The following VAV2 variants were observed in gnomAD, a reference collection of about 807,000 sequenced individuals.
The protein encoded by VAV2 is guanine nucleotide exchange factor VAV2.
A neutral mutation model predicts 132.5 loss-of-function variants in VAV2; 67 were observed. The ratio of observed to expected loss-of-function variants is 0.51; its 90% confidence interval spans 0.42 to 0.62. The LOEUF is 0.62. VAV2 is among the 20% of genes least tolerant of loss of function. The pLI, the probability that VAV2 is intolerant of heterozygous loss-of-function variation, is 0.00. For synonymous variants in VAV2, 492 were observed against 443.5 expected (o/e 1.11, Z -1.37); for missense variants, 938 against 1,153.6 (o/e 0.81, Z 2.71).
chr9:133,943,396 A>G (rs577252808), intron 1 of VAV2, among the ~76,000 whole-genome samples: 1 of 152,246 alleles, frequency 6.6e-6, no homozygotes, highest in South Asian at 2.1e-4. Flanking sequence ...GCCAGGTGAA[A>G]AGTCCCCTGT....
rs1023873249 is a variant in VAV2, at chr9:133,768,002, G to A, written c.2589+440C>T. ...ATTGGGGACACACTGTGTCCCTACTGCCTCACCAGGGCATAGATAGGGCCT... is the reference window on the plus strand; with the variant it reads ...ATTGGGGACACACTGTGTCCCTACTACCTCACCAGGGCATAGATAGGGCCT... On this transcript the variant is annotated intron_variant, in intron 29 of 29. Coordinates refer to ENST00000371850, the MANE Select transcript of VAV2 (RefSeq NM_001134398.2). The surrounding 1 kb of genome is among the most constrained non-coding windows in gnomAD (Gnocchi z 5.3). 2.6e-5 allele frequency among the ~76,000 whole-genome samples: 4 copies of A among 152,176 alleles called. No individual in the cohort carries two copies. Among genetic ancestry groups the A allele is most frequent in the African/African-American group, 9.7e-5 (4 of 41,438 alleles).
rs1288010482 is a variant in VAV2 at position 133,883,049 on chromosome 9, G to A, written c.322-21617C>T. Among the ~76,000 whole-genome samples, 1 of 151,958 alleles carries A rather than the reference G, an allele frequency of 6.6e-6. No individual in the cohort carries two copies. The highest frequency in any genetic ancestry group is 1.5e-5 in the Non-Finnish European group (1 of 67,946). ...CCCATGCCAGGCTTGGCCCCCTAATGGCCCTCTTTCCCAGGGAACAACCTC... is the reference window on the plus strand; with the variant it reads ...CCCATGCCAGGCTTGGCCCCCTAATAGCCCTCTTTCCCAGGGAACAACCTC... On this transcript the variant is annotated intron_variant, in intron 2 of 29. Transcript: ENST00000371850. This position sits in a 1 kb window ranked among gnomAD's most constrained non-coding sequence, Gnocchi z 4.2.
In VAV2 at chr9:133,935,864, C is replaced by T. The variant is rs2132124085; in HGVS notation, c.321+3239G>A. Among the ~76,000 whole-genome samples the T allele has an allele frequency of 6.6e-6, 1 of 152,314 alleles. No homozygotes were observed. Among genetic ancestry groups the T allele is most frequent in the Non-Finnish European group, 1.5e-5 (1 of 68,000 alleles). ...TCCGGCTCCATTGCTCCCAAGTGTG[C>T]CAGCACCCAGCACACGGTCCCAGGG... On this transcript the variant is annotated intron_variant, in intron 2 of 29. Coordinates refer to ENST00000371850, the MANE Select transcript of VAV2 (RefSeq NM_001134398.2). This position sits in a 1 kb window ranked among gnomAD's most constrained non-coding sequence, Gnocchi z 5.2.
rs1837671149 is a variant in VAV2, at chr9:133,863,310, CCAGAGCCCTCCTCCGTGGAG to C, written c.322-1898_322-1879del. Among the ~76,000 whole-genome samples, 1 of 152,222 alleles carries C rather than the reference CCAGAGCCCTCCTCCGTGGAG, an allele frequency of 6.6e-6. No individual in the cohort carries two copies. Among genetic ancestry groups the C allele is most frequent in the East Asian group, 1.9e-4 (1 of 5,198 alleles). Reference sequence around the variant, plus strand: ...TCCCTCCGAGGAGCCGGGCGCAGGCCCAGAGCCCTCCTCCGTGGAGTCTAAGGAGGCACCAGCATTCGGTC... The same window carrying C: ...TCCCTCCGAGGAGCCGGGCGCAGGCCTCTAAGGAGGCACCAGCATTCGGTC... On this transcript the variant is annotated intron_variant, in intron 2 of 29. Transcript: ENST00000371850. The surrounding 1 kb of genome is among the most constrained non-coding windows in gnomAD (Gnocchi z 5.0).
At chr9:133,809,906 C>G (rs1232525580) in intron 6 of VAV2, among the ~76,000 whole-genome samples, 1 of 152,354 alleles carries the variant, frequency 6.6e-6, no homozygotes, top group East Asian at 1.9e-4. Flanking sequence ...CTGTGACCCA[C>G]AGCGCTCGTG....
rs868522981 is a variant in VAV2, at chr9:133,840,277, G to A, written c.381-5937C>T. Among the ~76,000 whole-genome samples the A allele has an allele frequency of 1.1e-4, 17 of 152,302 alleles. 1 individual carries two copies. Among genetic ancestry groups the A allele is most frequent in the Middle Eastern group, 6.8e-3 (2 of 294 alleles). On this transcript the variant is annotated intron_variant, in intron 3 of 29. Coordinates refer to ENST00000371850, the MANE Select transcript of VAV2 (RefSeq NM_001134398.2). This position sits in a 1 kb window ranked among gnomAD's most constrained non-coding sequence, Gnocchi z 4.5. ...TTTCCCACTGCACCGCCGAGGGGACGAAGCAGATGTCCGCACAGGAAGCAG... is the reference window on the plus strand; with the variant it reads ...TTTCCCACTGCACCGCCGAGGGGACAAAGCAGATGTCCGCACAGGAAGCAG...
Position 133,826,903 on chromosome 9 carries a change from C to T in VAV2, c.449+7369G>A, listed in dbSNP as rs1476102827. ...AAGGGCAACCCTGCCACAGCGGCAC[C>T]AGTGTCCTCGCAAGACGCACTCATC... On this transcript the variant is annotated intron_variant, in intron 4 of 29. Transcript: ENST00000371850. The surrounding 1 kb of genome is among the most constrained non-coding windows in gnomAD (Gnocchi z 4.2). Among the ~76,000 whole-genome samples, 1 of 152,182 alleles carries T rather than the reference C, an allele frequency of 6.6e-6. No individual in the cohort carries two copies. The highest frequency in any genetic ancestry group is 1.5e-5 in the Non-Finnish European group (1 of 68,028).
intron 1 of VAV2, among the ~76,000 whole-genome samples, chr9:133,950,050 G>A (rs541857922): frequency 4.6e-4 from 70 of 152,256 alleles, no homozygotes; most frequent in Admixed American, 1.4e-3. Context: ...CCGCTGCCAG[G>A]GTCTGTCTGT....
rs1018411284 is a variant in VAV2, at chr9:133,879,884, C to T, written c.322-18452G>A. Among the ~76,000 whole-genome samples, 1 of 152,224 alleles carries T rather than the reference C, an allele frequency of 6.6e-6. No individual in the cohort carries two copies. The highest frequency in any genetic ancestry group is 1.5e-5 in the Non-Finnish European group (1 of 68,046). On this transcript the variant is annotated intron_variant, in intron 2 of 29. Transcript: ENST00000371850. The surrounding 1 kb of genome is among the most constrained non-coding windows in gnomAD (Gnocchi z 4.4). ...TCTGGCATCCAGATTTGCTTCCAAG[C>T]GGTTTTACCTTGATGACTGCTTAAT...
intron 1 of VAV2, among the ~76,000 whole-genome samples, chr9:133,973,588 C>T (rs1842411154): frequency 6.7e-6 from 1 of 150,248 alleles, no homozygotes; most frequent in Non-Finnish European, 1.5e-5. Context: ...CTGACAGTGC[C>T]CAACCCACGC....
chr9:133,929,931 C>G (rs1162429637), intron 2 of VAV2, among the ~76,000 whole-genome samples: 2 of 152,302 alleles, frequency 1.3e-5, no homozygotes, highest in African/African-American at 2.4e-5. Context: ...TTTTTTTAAG[C>G]AAAATGTCAG....
chr9:133,850,434 C>T (rs57099172), intron 3 of VAV2, among the ~76,000 whole-genome samples: 13,771 of 152,176 alleles, frequency 0.09, 1,688 homozygotes, highest in African/African-American at 0.28. Context: ...CACCTGGCCC[C>T]GGGCCCAGCA....
intron 1 of VAV2, among the ~76,000 whole-genome samples, chr9:133,957,699 C>A (rs1285887823): frequency 1.3e-5 from 2 of 152,152 alleles, no homozygotes; most frequent in African/African-American, 4.8e-5. Flanking sequence ...GCCGGGACAC[C>A]CTGCCTGGGC....
intron 1 of VAV2, among the ~76,000 whole-genome samples, chr9:133,968,862 C>A (rs1273490990): frequency 6.6e-6 from 1 of 152,180 alleles, no homozygotes; most frequent in South Asian, 2.1e-4. Context: ...GACAGCACAG[C>A]CACCCTCGGT....
chr9:133,842,889 C>T (rs1429761219), intron 3 of VAV2, among the ~76,000 whole-genome samples: 2 of 152,232 alleles, frequency 1.3e-5, no homozygotes, highest in African/African-American at 4.8e-5. Context: ...TTGAAAGGCA[C>T]CATCAGGAAG....
intron 1 of VAV2, among the ~76,000 whole-genome samples, chr9:133,988,097 G>C (rs1321576822): frequency 6.6e-6 from 1 of 152,224 alleles, no homozygotes; most frequent in Non-Finnish European, 1.5e-5. Flanking sequence ...GGAAATTCTG[G>C]AAGGAGGGAA....
At chr9:133,784,216 C>A in intron 18 of VAV2, 101 bp downstream of exon 18, 5 of 1,308,732 alleles carry the variant, frequency 3.8e-6, no homozygotes, top group Non-Finnish European at 5.5e-6. Context: ...CCCCTCAGGG[C>A]CTCCCACAGG....
intron 3 of VAV2, among the ~76,000 whole-genome samples, chr9:133,848,384 T>C (rs551256382): frequency 6.6e-6 from 1 of 152,248 alleles, no homozygotes; most frequent in Admixed American, 6.5e-5. Context: ...TGGTGGTTAC[T>C]TCCTGGCAGG....
rs756998997 is a variant in VAV2 at position 133,806,066 on chromosome 9, C to G, written c.836+15G>C. On this transcript the variant is annotated intron_variant, in intron 9 of 29. Coordinates refer to ENST00000371850, the MANE Select transcript of VAV2 (RefSeq NM_001134398.2). The stretch of plus-strand genomic sequence containing the variant: ...GGGAGGGGCCAAGGAGCCCCAGGAG[C>G]CGGCAGCCACTCACCTTTCCTTGAA... 1 of 1,609,418 alleles carries G rather than the reference C, an allele frequency of 6.2e-7. No homozygotes were observed. The highest frequency in any genetic ancestry group is 8.5e-7 in the Non-Finnish European group (1 of 1,178,504).
Sources: gnomAD v4.1 joint callset for allele counts (sites outside exome capture counted in the v4.1 genomes callset) on GRCh38, gnomAD v4.1.1 for gene constraint, Gnocchi (gnomAD v3.1) non-coding constraint, MANE v1.5 for transcripts, NCBI Gene and HGNC (gene_info 2026-07-23, HGNC 2026-07-21) for gene names.